GPHN: variants seen among roughly 807,000 people sequenced by gnomAD.
The protein encoded by GPHN is gephyrin.
GPHN carries 17 observed loss-of-function variants against 95.5 expected under a neutral mutation model. The ratio of observed to expected loss-of-function variants is 0.18; its 90% CI spans 0.12 to 0.27. The LOEUF (loss-of-function observed/expected upper bound fraction) is 0.27, where lower values mean the gene tolerates loss of function less well. Among genes scored for constraint, GPHN ranks in the 10% least tolerant of loss-of-function variants. The probability of loss-of-function intolerance (pLI) is 1.00; values close to 1 mark genes in which losing one functional copy is unlikely to be tolerated. For synonymous variants in GPHN, 320 were observed against 322.5 expected (o/e 0.99, Z 0.08); for missense variants, 660 against 978.1 (o/e 0.67, Z 4.34).
the GPHN span, among the ~76,000 whole-genome samples, chr14:67,443,987 A>G: frequency 1.3e-5 from 2 of 152,196 alleles, no homozygotes; most frequent in African/African-American, 4.8e-5. Flanking sequence ...TCACTGAGAT[A>G]AGTGTATATC....
chr14:67,689,119 T>A, the GPHN span, among the ~76,000 whole-genome samples: 1 of 152,220 alleles, frequency 6.6e-6, no homozygotes, highest in African/African-American at 2.4e-5. Context: ...ATCAACTCTT[T>A]GGATAGTTTT....
rs562794900 is a variant in GPHN, at chr14:67,041,222, AT to A, written c.1007-17419del. Among the ~76,000 whole-genome samples the A allele has an allele frequency of 3.0e-3, 453 of 151,336 alleles. 3 individuals carry two copies. Among genetic ancestry groups the A allele is most frequent in the African/African-American group, 0.011 (435 of 41,296 alleles). On this transcript the variant is annotated intron_variant, in intron 10 of 22. Coordinates refer to ENST00000478722, the MANE Select transcript of GPHN (RefSeq NM_020806.5). The stretch of plus-strand genomic sequence containing the variant: ...AAATACAAACACTTTCTTTTTTTTT[AT>A]TTTTTTTATTATACTTTAAGTTCTG...
At chr14:66,584,599 G>C (rs552278248) in intron 1 of GPHN, among the ~76,000 whole-genome samples, 1 of 152,202 alleles carries the variant, frequency 6.6e-6, no homozygotes, top group East Asian at 1.9e-4. Flanking sequence ...TAGCATGAAG[G>C]GTTGTTGAAT....
the GPHN span, among the ~76,000 whole-genome samples, chr14:67,330,454 CA>C: frequency 9.5e-5 from 13 of 136,888 alleles, no homozygotes; most frequent in African/African-American, 1.2e-4. Flanking sequence ...AATTTCCCTT[CA>C]TTTTTTTTTT....
chr14:66,979,119 T>G (rs2070473334), intron 9 of GPHN, among the ~76,000 whole-genome samples: 1 of 152,200 alleles, frequency 6.6e-6, no homozygotes, highest in Non-Finnish European at 1.5e-5. Flanking sequence ...GCAGGGTAGA[T>G]TTTGCATAAT....
At chr14:66,895,362 A>T (rs1284129262) in intron 5 of GPHN, among the ~76,000 whole-genome samples, 1 of 152,148 alleles carries the variant, frequency 6.6e-6, no homozygotes, top group Non-Finnish European at 1.5e-5. Flanking sequence ...CTGTTGTGGG[A>T]TGCGGGGAGC....
intron 1 of GPHN, among the ~76,000 whole-genome samples, chr14:66,545,997 GCTC>G (rs1223646384): frequency 9.4e-5 from 14 of 149,174 alleles, no homozygotes; most frequent in Non-Finnish European, 2.1e-4. Flanking sequence ...GGGGGGAGGG[GCTC>G]CTCACTTCTC....
At chr14:67,555,956 C>T in the GPHN span, 28 of 1,576,556 alleles carry the variant, frequency 1.8e-5, no homozygotes, top group Non-Finnish European at 2.3e-5. Flanking sequence ...GCCCTTCCCA[C>T]GGACACAGGT....
chr14:66,920,767 A>C lies in GPHN; in HGVS notation c.457-1899A>C, dbSNP rs550096757. 3.3e-5 allele frequency among the ~76,000 whole-genome samples: 5 copies of C among 151,804 alleles called. No homozygotes were observed. The South Asian group carries it at 1.0e-3, about 32-fold the overall frequency. On this transcript the variant is annotated intron_variant, in intron 6 of 22. Coordinates refer to ENST00000478722, the MANE Select transcript of GPHN (RefSeq NM_020806.5). ...ACACTCTTTCCCATAAATTCCCATA[A>C]GTCCCCAAAGTTCATTGTGTCATTC...
At chr14:67,478,748 T>A in the GPHN span, among the ~76,000 whole-genome samples, 1 of 152,080 alleles carries the variant, frequency 6.6e-6, no homozygotes, top group African/African-American at 2.4e-5. Flanking sequence ...ACCCAGCTCC[T>A]CCTCTGTGAG....
the GPHN span, among the ~76,000 whole-genome samples, chr14:67,556,060 G>A: frequency 6.6e-6 from 1 of 152,222 alleles, no homozygotes; most frequent in Non-Finnish European, 1.5e-5. Context: ...GTAAAGATCA[G>A]TGTAGCAAGT....
At chr14:66,582,729 G>T (rs1167960075) in intron 1 of GPHN, among the ~76,000 whole-genome samples, 1 of 152,092 alleles carries the variant, frequency 6.6e-6, no homozygotes, top group East Asian at 1.9e-4. Context: ...ATTTTTTATG[G>T]CAGCATGGTA....
chr14:67,733,064 A>G, the GPHN span, among the ~76,000 whole-genome samples: 1 of 152,166 alleles, frequency 6.6e-6, no homozygotes, highest in Non-Finnish European at 1.5e-5. Flanking sequence ...TGGCACATGT[A>G]TACATATGTA....
chr14:67,346,326 T>G, the GPHN span, among the ~76,000 whole-genome samples: 5 of 152,286 alleles, frequency 3.3e-5, no homozygotes, highest in Admixed American at 3.3e-4. Flanking sequence ...TTTATTTATT[T>G]ATTGAGATGG....
the GPHN span, among the ~76,000 whole-genome samples, chr14:67,590,587 G>A: frequency 6.6e-6 from 1 of 152,178 alleles, no homozygotes; most frequent in Non-Finnish European, 1.5e-5. Context: ...TTGAACTCCT[G>A]GCCTTAAGTG....
chr14:67,369,704 C>T, the GPHN span, among the ~76,000 whole-genome samples: 22 of 152,164 alleles, frequency 1.4e-4, no homozygotes, highest in Admixed American at 1.3e-3. Context: ...ATAAGCCCTT[C>T]CAAATAATTC....
chr14:67,518,212 A>C, the GPHN span, among the ~76,000 whole-genome samples: 1 of 152,194 alleles, frequency 6.6e-6, no homozygotes, highest in Non-Finnish European at 1.5e-5. Flanking sequence ...TTGTCAAAGC[A>C]AGAGGAGCGG....
intron 1 of GPHN, among the ~76,000 whole-genome samples, chr14:66,664,311 G>C (rs2065825702): frequency 6.6e-6 from 1 of 152,084 alleles, no homozygotes. Context: ...AATCAAATTA[G>C]AACTAAAGTC....
the GPHN span, among the ~76,000 whole-genome samples, chr14:67,410,585 A>G: frequency 6.6e-6 from 1 of 152,162 alleles, no homozygotes; most frequent in African/African-American, 2.4e-5. Flanking sequence ...CTCCTTGCTT[A>G]CTGTTTACAG....
Sources: gnomAD v4.1 joint callset for allele counts (sites outside exome capture counted in the v4.1 genomes callset) on GRCh38, gnomAD v4.1.1 for gene constraint, MANE v1.5 for transcripts, NCBI Gene and HGNC (gene_info 2026-07-23, HGNC 2026-07-21) for gene names.